Variants in GUCA2B observed in about 807,000 individuals in gnomAD.
GUCA2B encodes the protein prepro-uroguanylin.
GUCA2B carries 7 observed loss-of-function variants against 11.1 expected under a neutral mutation model. The ratio of observed to expected loss-of-function variants is 0.63; its 90% CI spans 0.36 to 1.18. The LOEUF (loss-of-function observed/expected upper bound fraction) is 1.18. Among genes scored for constraint, GUCA2B ranks in the 50% most tolerant of loss-of-function variants. The pLI, the probability that GUCA2B is intolerant of heterozygous loss-of-function variation, is 0.02. For synonymous variants in GUCA2B, 69 were observed against 65.3 expected (o/e 1.06, Z -0.27); for missense variants, 140 against 142.5 (o/e 0.98, Z 0.09).
chr1:42,153,461 G>T lies in GUCA2B; in HGVS notation c.11G>T (p.Arg4Met), dbSNP rs1646093363. 7 of 1,611,076 alleles carry T rather than the reference G, an allele frequency of 4.3e-6. No homozygotes were observed. Residue 4 changes from arginine to methionine, a missense_variant, in exon 1 of 3, where the codon AGG (arginine) becomes ATG (methionine). Coordinates refer to ENST00000372581, the MANE Select transcript of GUCA2B (RefSeq NM_007102.3). ...AACCCAGGGAGCGCGATGGGCTGCA[G>T]GGCTGCATCAGGGCTCCTGCCAGGA... is the stretch of plus-strand genomic sequence containing the variant. MGC[R>M]AASGLLPGVA...
At position 42,155,651 on chromosome 1, in the gene GUCA2B, C is replaced by A. The variant is rs1646105875; in HGVS notation, c.*55C>A. On this transcript the variant is annotated 3_prime_UTR_variant, in exon 3 of 3. Coordinates refer to ENST00000372581, the MANE Select transcript of GUCA2B (RefSeq NM_007102.3). The stretch of plus-strand genomic sequence containing the variant: ...GGACACCTCGCCCTTCAGCCCACCA[C>A]CCTGGCAGGCTTCCATCCCCGTCCA... 3.0e-6 allele frequency: 4 copies of A among 1,344,880 alleles called. No homozygotes were observed. The Admixed American group carries it at 6.7e-5, about 23-fold the overall frequency. 83.3% of individuals were successfully genotyped at this position (1,344,880 alleles called of 1,614,324 possible). A position where few individuals can be genotyped will look rare whatever the true frequency, so the allele number is the denominator to read the frequency against.
chr1:42,155,793 C>A lies in GUCA2B; in HGVS notation c.*197C>A. The A allele has an allele frequency of 1.6e-6, 1 of 618,410 alleles. No individual in the cohort carries two copies. 38.3% of individuals were successfully genotyped at this position (618,410 alleles called of 1,614,324 possible). ...TGGAGGGGGAGGCCCCTGAGGCAGC[C>A]CAGCTCCTGAATAAAGATTCTACAA... On this transcript the variant is annotated 3_prime_UTR_variant, in exon 3 of 3. Transcript: ENST00000372581.
At chr1:42,154,550 C>T (rs974158037) in intron 1 of GUCA2B, 130 bp from the exon 2 acceptor site, 10 of 750,628 alleles carry the variant, frequency 1.3e-5, no homozygotes, top group Non-Finnish European at 2.3e-5. Flanking sequence ...CCAGTGTGGC[C>T]CTGGACTTCC....
At chr1:42,154,569 C>T (rs765312653) in intron 1 of GUCA2B, 111 bp from the exon 2 acceptor site, 86 of 852,590 alleles carry the variant, frequency 1.0e-4, no homozygotes, top group East Asian at 7.2e-4. Context: ...CCCATAGAGA[C>T]GGGGAAGGCT....
At position 42,154,717 on chromosome 1, in the gene GUCA2B, A is replaced by G; in HGVS notation, c.128A>G (p.Lys43Arg). ...GFRVQLESMK[K>R]LSDLEAQWAP... is the part of the protein sequence containing the mutation. Reference sequence around the variant, plus strand: ...CGGGTCCAGCTGGAATCCATGAAGAAGCTGAGTGACCTGGAGGCACAGTGG... The same window carrying G: ...CGGGTCCAGCTGGAATCCATGAAGAGGCTGAGTGACCTGGAGGCACAGTGG... The change falls in exon 2 of 3, where the codon AAG (lysine) becomes AGG (arginine). Residue 43 changes from lysine to arginine, a missense_variant. Transcript: ENST00000372581. 6.2e-7 allele frequency: 1 copy of G among 1,614,164 alleles called. No individual in the cohort carries two copies. The highest frequency in any genetic ancestry group is 8.5e-7 in the Non-Finnish European group (1 of 1,179,988).
rs758182030 is a variant in GUCA2B, at chr1:42,154,903, C to T, written c.277+37C>T. 1.3e-5 allele frequency: 20 copies of T among 1,521,668 alleles called. No individual in the cohort carries two copies. The South Asian group carries it at 2.0e-4, about 15-fold the overall frequency. The allele number at this position is 1,521,668 out of a possible 1,614,324, so 94.3% of individuals were successfully genotyped here. On this transcript the variant is annotated intron_variant, in intron 2 of 2. Transcript: ENST00000372581. ...CGCTCCCTGCAGAACCTCGCTCTGT[C>T]TCCTCCCACGCCCAGGCTCCTCCAC...
At position 42,153,471 on chromosome 1, in the gene GUCA2B, A is replaced by G; in HGVS notation, c.21A>G (p.Ser7=). The G allele has an allele frequency of 6.2e-7, 1 of 1,612,090 alleles. No individual in the cohort carries two copies. The highest frequency in any genetic ancestry group is 8.5e-7 in the Non-Finnish European group (1 of 1,179,418). The part of the protein sequence containing the change: MGCRAA[S]GLLPGVAVVL... ...GCGCGATGGGCTGCAGGGCTGCATC[A>G]GGGCTCCTGCCAGGAGTGGCCGTGG... The change falls in exon 1 of 3, where the codon TCA becomes TCG. Residue 7 remains serine, a synonymous_variant. Coordinates refer to ENST00000372581, the MANE Select transcript of GUCA2B (RefSeq NM_007102.3).
intron 2 of GUCA2B, among the ~76,000 whole-genome samples, chr1:42,155,070 C>A (rs1467311672): frequency 6.6e-6 from 1 of 152,192 alleles, no homozygotes; most frequent in East Asian, 1.9e-4. Flanking sequence ...CCCCTTAGTC[C>A]ACGCCAGGCA....
Position 42,155,678 on chromosome 1 carries a change from G to C in GUCA2B, c.*82G>C, listed in dbSNP as rs1244807975. Reference sequence around the variant, plus strand: ...CTGGCAGGCTTCCATCCCCGTCCATGCTCAAGATGGGTCCCTGGCCACCAT... The same window carrying C: ...CTGGCAGGCTTCCATCCCCGTCCATCCTCAAGATGGGTCCCTGGCCACCAT... On this transcript the variant is annotated 3_prime_UTR_variant, in exon 3 of 3. Coordinates refer to ENST00000372581, the MANE Select transcript of GUCA2B (RefSeq NM_007102.3). The C allele has an allele frequency of 4.8e-6, 5 of 1,048,194 alleles. No homozygotes were observed. The African/African-American group carries it at 7.8e-5, about 16-fold the overall frequency. The allele number at this position is 1,048,194 out of a possible 1,614,324, so 64.9% of individuals were successfully genotyped here.
chr1:42,154,945 A>C, intron 2 of GUCA2B, 79 bp downstream of exon 2: 3 of 1,140,562 alleles, frequency 2.6e-6, no homozygotes, highest in African/African-American at 1.5e-5. Context: ...TGTTTCTCTT[A>C]AGCACCCAGC....
chr1:42,154,811 G>C lies in GUCA2B; in HGVS notation c.222G>C (p.Gln74His), dbSNP rs963052377. The C allele has an allele frequency of 2.5e-6, 4 of 1,614,080 alleles. No homozygotes were observed. The highest frequency in any genetic ancestry group is 3.4e-6 in the Non-Finnish European group (4 of 1,180,008). ...PAVCHHPALP[Q>H]DLQPVCASQE... is the part of the protein sequence containing the mutation. ...TGTGCCACCACCCTGCTCTGCCTCAGGACCTTCAGCCTGTCTGCGCCTCGC... is the reference window on the plus strand; with the variant it reads ...TGTGCCACCACCCTGCTCTGCCTCACGACCTTCAGCCTGTCTGCGCCTCGC... Residue 74 changes from glutamine to histidine, a missense_variant, in exon 2 of 3, where the codon CAG (glutamine) becomes CAC (histidine). By Grantham distance (24) the Gln-to-His change is conservative (BLOSUM62 0). Transcript: ENST00000372581.
intron 1 of GUCA2B, among the ~76,000 whole-genome samples, chr1:42,153,987 C>T (rs1646096084): frequency 6.6e-6 from 1 of 152,240 alleles, no homozygotes; most frequent in Non-Finnish European, 1.5e-5. Flanking sequence ...TTGCCAGACA[C>T]AGATGATGGG....
At chr1:42,155,043 C>T (rs1287463980) in intron 2 of GUCA2B, among the ~76,000 whole-genome samples, 177 bp downstream of exon 2, 20 of 152,196 alleles carry the variant, frequency 1.3e-4, no homozygotes, top group Admixed American at 1.3e-3. Flanking sequence ...GTCAGGCATG[C>T]CTGGAACCTG....
chr1:42,153,424 A>G lies in GUCA2B; in HGVS notation c.-27A>G. ...GGGACACAGATGGGAGACGGTGGACAGCGGCAGGGGGAACCCAGGGAGCGC... is the reference window on the plus strand; with the variant it reads ...GGGACACAGATGGGAGACGGTGGACGGCGGCAGGGGGAACCCAGGGAGCGC... On this transcript the variant is annotated 5_prime_UTR_variant, in exon 1 of 3. Transcript: ENST00000372581. The G allele has an allele frequency of 6.5e-7, 1 of 1,549,404 alleles. No homozygotes were observed. The highest frequency in any genetic ancestry group is 1.1e-5 in the South Asian group (1 of 89,734).
At chr1:42,154,239 A>G (rs1388914849) in intron 1 of GUCA2B, among the ~76,000 whole-genome samples, 1 of 152,020 alleles carries the variant, frequency 6.6e-6, no homozygotes, top group Non-Finnish European at 1.5e-5. Flanking sequence ...GGTCCCAGAG[A>G]GGGGTGCAGG....
chr1:42,155,288 A>G (rs1317211719), intron 2 of GUCA2B, among the ~76,000 whole-genome samples: 3 of 152,178 alleles, frequency 2.0e-5, no homozygotes, highest in African/African-American at 7.2e-5. Flanking sequence ...GTCCTGCATT[A>G]TCTCCTCACA....
intron 1 of GUCA2B, 51 bp downstream of exon 1, chr1:42,153,591 G>C: frequency 7.5e-7 from 1 of 1,333,684 alleles, no homozygotes; most frequent in Non-Finnish European, 1.1e-6. Flanking sequence ...CATGGTGGGA[G>C]GCTAGGCTGG....
chr1:42,154,980 A>G, intron 2 of GUCA2B, 114 bp downstream of exon 2: 1 of 799,894 alleles, frequency 1.3e-6, no homozygotes, highest in Non-Finnish European at 2.0e-6. Context: ...AGATTCAAGT[A>G]ACTCAGGCCC....
chr1:42,154,261 C>G (rs1461484299), intron 1 of GUCA2B, among the ~76,000 whole-genome samples: 1 of 152,178 alleles, frequency 6.6e-6, no homozygotes, highest in Non-Finnish European at 1.5e-5. Flanking sequence ...GACTTGGCCT[C>G]CCCAACAGCC....
Sources: allele counts gnomAD v4.1 joint callset (sites outside exome capture counted in the v4.1 genomes callset), GRCh38; gene constraint gnomAD v4.1.1; transcripts MANE v1.5; gene names NCBI Gene and HGNC (gene_info 2026-07-23, HGNC 2026-07-21).